ATOH7: variants seen among roughly 807,000 people sequenced by gnomAD.
ATOH7 encodes the protein transcription factor ATOH7.
In ATOH7, 11 loss-of-function variants were observed where a neutral mutation model predicts 11.0. The ratio of observed to expected loss-of-function variants is 1.00; its 90% CI spans 0.63 to 1.66. The LOEUF is 1.66. Among genes scored for constraint, ATOH7 ranks in the 40% most tolerant of loss-of-function variants. The pLI is 0.00. For missense variants in ATOH7, 232 were observed against 219.2 expected, an observed-to-expected ratio of 1.06 and a Z score of -0.37; for synonymous variants, 98 against 98.3, an observed-to-expected ratio of 1.00 and a Z score of 0.02.
In ATOH7 at chr10:68,230,925, C is replaced by T. The variant is rs1273674862; in HGVS notation, c.*294G>A. 5.6e-6 allele frequency: 2 copies of T among 357,998 alleles called. No individual in the cohort carries two copies. The highest frequency in any genetic ancestry group is 1.0e-5 in the Non-Finnish European group (2 of 199,416). The allele number at this position is 357,998 out of a possible 1,614,324, so 22.2% of individuals were successfully genotyped here. A position where few individuals can be genotyped will look rare whatever the true frequency, so the allele number is the denominator to read the frequency against. On this transcript the variant is annotated 3_prime_UTR_variant, in exon 1 of 1. Transcript: ENST00000373673. Reference sequence around the variant, plus strand: ...TCCTATTTTTCTTAAGATTGTTTTCCCTCAAAGTAGCCCAGAAAAGGGGAA... The same window carrying T: ...TCCTATTTTTCTTAAGATTGTTTTCTCTCAAAGTAGCCCAGAAAAGGGGAA...
At position 68,231,050 on chromosome 10, in the gene ATOH7, T is replaced by A. The variant is rs531157640; in HGVS notation, c.*169A>T. ...GGGGAAAAGAAAGGCAATTAAATGA[T>A]TGCGTCCATAGGTCTGATGATGCGA... On this transcript the variant is annotated 3_prime_UTR_variant, in exon 1 of 1. Transcript: ENST00000373673. The A allele has an allele frequency of 5.3e-6, 3 of 561,316 alleles. No homozygotes were observed. The South Asian group carries it at 1.2e-4, about 23-fold the overall frequency. 34.8% of individuals were successfully genotyped at this position (561,316 alleles called of 1,614,324 possible).
At position 68,231,219 on chromosome 10, in the gene ATOH7, C is replaced by G. The variant is rs912285318; in HGVS notation, c.459G>C (p.Ter153TyrextTer32). The G allele has an allele frequency of 3.9e-6, 6 of 1,529,976 alleles. No homozygotes were observed. Among genetic ancestry groups the G allele is most frequent in the Non-Finnish European group, 5.3e-6 (6 of 1,138,600 alleles). 94.8% of individuals were successfully genotyped at this position (1,529,976 alleles called of 1,614,324 possible). A position where few individuals can be genotyped will look rare whatever the true frequency, so the allele number is the denominator to read the frequency against. ...FQPEPFQMAT[*>Y] ...ACCCACCCCCGCGGAGGCGCGCGCC[C>G]TAGGTGGCCATCTGGAAGGGCTCGG... The change falls in exon 1 of 1, where the codon TAG (stop) becomes TAC (tyrosine). Residue 153 changes from the stop codon to tyrosine, a stop_lost. Coordinates refer to ENST00000373673, the MANE Select transcript of ATOH7 (RefSeq NM_145178.4).
At position 68,231,334 on chromosome 10, in the gene ATOH7, T is replaced by G. The variant is rs768962996; in HGVS notation, c.344A>C (p.His115Pro). The G allele has an allele frequency of 6.2e-7, 1 of 1,613,238 alleles. No homozygotes were observed. The highest frequency in any genetic ancestry group is 2.2e-5 in the East Asian group (1 of 44,848). ...ERDWVGLHCE[H>P]FGRDHYLPFP... ...CGGGAGGTAGTGGTCGCGGCCGAAGTGCTCACAGTGGAGACCCACCCAGTC... is the reference window on the plus strand; with the variant it reads ...CGGGAGGTAGTGGTCGCGGCCGAAGGGCTCACAGTGGAGACCCACCCAGTC... Residue 115 changes from histidine to proline, a missense_variant, in exon 1 of 1, where the codon CAC (histidine) becomes CCC (proline). Transcript: ENST00000373673.
Position 68,231,275 on chromosome 10 carries a change from G to C in ATOH7, c.403C>G (p.Leu135Val). The stretch of plus-strand genomic sequence containing the variant: ...AAGCCGAAGAGTCTCTGGCTGTACA[G>C]CTCGCTCTCGCCCGGCAGCTTCGCG... The part of the protein sequence containing the change: ...PGAKLPGESE[L>V]YSQRLFGFQP... The change falls in exon 1 of 1, where the codon CTG (leucine) becomes GTG (valine). Residue 135 changes from leucine (L) to valine (V), a missense_variant. Leu to Val is a conservative substitution (Grantham distance 32). Transcript: ENST00000373673. 1 of 1,607,324 alleles carries C rather than the reference G, an allele frequency of 6.2e-7. No individual in the cohort carries two copies. The highest frequency in any genetic ancestry group is 8.5e-7 in the Non-Finnish European group (1 of 1,178,016).
rs991961653 is a variant in ATOH7, at chr10:68,231,031, A to G, written c.*188T>C. The G allele has an allele frequency of 3.9e-6, 2 of 512,790 alleles. No homozygotes were observed. Among genetic ancestry groups the G allele is most frequent in the Non-Finnish European group, 6.4e-6 (2 of 311,942 alleles). The allele number at this position is 512,790 out of a possible 1,614,324, so 31.8% of individuals were successfully genotyped here. A position where few individuals can be genotyped will look rare whatever the true frequency, so the allele number is the denominator to read the frequency against. ...TACAAAATACAAAGGAGGAGGGGAA[A>G]AGAAAGGCAATTAAATGATTGCGTC... On this transcript the variant is annotated 3_prime_UTR_variant, in exon 1 of 1. Coordinates refer to ENST00000373673, the MANE Select transcript of ATOH7 (RefSeq NM_145178.4).
In ATOH7 at chr10:68,231,384, C is replaced by G; in HGVS notation, c.294G>C (p.Glu98Asp). 4 of 1,613,942 alleles carry G rather than the reference C, an allele frequency of 2.5e-6. No individual in the cohort carries two copies. The highest frequency in any genetic ancestry group is 3.4e-6 in the Non-Finnish European group (4 of 1,179,942). ...CCCGCTCCGAGCCGAATCGCTCGGCCTCGGCCAGGATCCGGGTCAGAGCCA... is the reference window on the plus strand; with the variant it reads ...CCCGCTCCGAGCCGAATCGCTCGGCGTCGGCCAGGATCCGGGTCAGAGCCA... Reference protein sequence around the residue: ...YIMALTRILAEAERFGSERDW... With the variant: ...YIMALTRILADAERFGSERDW... The change falls in exon 1 of 1, where the codon GAG becomes GAC. Residue 98 changes from glutamate (E) to aspartate (D), a missense_variant. Glu to Asp is a conservative substitution (Grantham distance 45, BLOSUM62 2). Transcript: ENST00000373673.
In ATOH7 at chr10:68,231,488, G is replaced by T; in HGVS notation, c.190C>A (p.Arg64Ser). 6.3e-7 allele frequency: 1 copy of T among 1,595,706 alleles called. No homozygotes were observed. The highest frequency in any genetic ancestry group is 8.5e-7 in the Non-Finnish European group (1 of 1,171,496). The change falls in exon 1 of 1, where the codon CGC becomes AGC. Residue 64 changes from arginine to serine, a missense_variant. Arg to Ser is a moderately radical substitution (Grantham distance 110, BLOSUM62 -1). Coordinates refer to ENST00000373673, the MANE Select transcript of ATOH7 (RefSeq NM_145178.4). ...TGGCCCCACTGGGGAACCACCCTGC[G>T]TAAGCGGTCGAAGGCAGTGTTGAGC... ...QGLNTAFDRL[R>S]RVVPQWGQDK...
Position 68,231,804 on chromosome 10 carries a change from T to A in ATOH7, c.-127A>T. On this transcript the variant is annotated 5_prime_UTR_variant, in exon 1 of 1. Transcript: ENST00000373673. ...GCAAATAAGTCATAAACAAAGCAAC[T>A]CACGTGCAATCAAATAGTTTACAGT... 5.6e-6 allele frequency: 3 copies of A among 537,788 alleles called. No individual in the cohort carries two copies. The highest frequency in any genetic ancestry group is 7.6e-6 in the Non-Finnish European group (3 of 392,572). 33.3% of individuals were successfully genotyped at this position (537,788 alleles called of 1,614,324 possible).
chr10:68,231,570 C>G lies in ATOH7; in HGVS notation c.108G>C (p.Glu36Asp). ...AGTCAGAGRLESAARRRLAAN... is the reference protein window; with the variant it reads ...AGTCAGAGRLDSAARRRLAAN... ...CCGCCAGGCGCCTGCGCGCCGCGCT[C>G]TCCAGCCGCCCGGCCCCGGCGCACG... Residue 36 changes from glutamate (E) to aspartate (D), a missense_variant, in exon 1 of 1, where the codon GAG (glutamate) becomes GAC (aspartate). Glu to Asp is a conservative substitution (Grantham distance 45). Coordinates refer to ENST00000373673, the MANE Select transcript of ATOH7 (RefSeq NM_145178.4). 2 of 1,224,348 alleles carry G rather than the reference C, an allele frequency of 1.6e-6. No individual in the cohort carries two copies. The highest frequency in any genetic ancestry group is 8.1e-5 in the South Asian group (2 of 24,586). 75.8% of individuals were successfully genotyped at this position (1,224,348 alleles called of 1,614,324 possible). A position where few individuals can be genotyped will look rare whatever the true frequency, so the allele number is the denominator to read the frequency against.
chr10:68,231,846 C>T lies in ATOH7; in HGVS notation c.-169G>A. 3.0e-6 allele frequency: 1 copy of T among 330,268 alleles called. No individual in the cohort carries two copies. Among genetic ancestry groups the T allele is most frequent in the Non-Finnish European group, 5.0e-6 (1 of 199,264 alleles). The allele number at this position is 330,268 out of a possible 1,614,324, so 20.5% of individuals were successfully genotyped here. A position where few individuals can be genotyped will look rare whatever the true frequency, so the allele number is the denominator to read the frequency against. On this transcript the variant is annotated 5_prime_UTR_variant, in exon 1 of 1. Transcript: ENST00000373673. ...GTTTACAGTGGGGGAGTGCGGGACT[C>T]GGCCTTCTGTTCTACTGGATGACCA...
At position 68,231,714 on chromosome 10, in the gene ATOH7, C is replaced by T. The variant is rs1274460043; in HGVS notation, c.-37G>A. ...AGCAGCGAGGCGCCGACCTCGCACGCCCGCCCGCTCAGGACCTGCGCGTGG... is the reference window on the plus strand; with the variant it reads ...AGCAGCGAGGCGCCGACCTCGCACGTCCGCCCGCTCAGGACCTGCGCGTGG... On this transcript the variant is annotated 5_prime_UTR_variant, in exon 1 of 1. Transcript: ENST00000373673. 3.4e-6 allele frequency: 4 copies of T among 1,163,878 alleles called. No individual in the cohort carries two copies. Among genetic ancestry groups the T allele is most frequent in the Non-Finnish European group, 4.3e-6 (4 of 933,764 alleles). The allele number at this position is 1,163,878 out of a possible 1,614,324, so 72.1% of individuals were successfully genotyped here. A position where few individuals can be genotyped will look rare whatever the true frequency, so the allele number is the denominator to read the frequency against.
Position 68,231,494 on chromosome 10 carries a change from G to C in ATOH7, c.184C>G (p.Arg62Gly), listed in dbSNP as rs373272132. The change falls in exon 1 of 1, where the codon CGC becomes GGC. Residue 62 changes from arginine (R) to glycine (G), a missense_variant. Physicochemically the swap from Arg to Gly is moderately radical, Grantham distance 125. Coordinates refer to ENST00000373673, the MANE Select transcript of ATOH7 (RefSeq NM_145178.4). ...RMQGLNTAFD[R>G]LRRVVPQWGQ... The stretch of plus-strand genomic sequence containing the variant: ...CACTGGGGAACCACCCTGCGTAAGC[G>C]GTCGAAGGCAGTGTTGAGCCCCTGC... 24 of 1,575,454 alleles carry C rather than the reference G, an allele frequency of 1.5e-5. No individual in the cohort carries two copies. The highest frequency in any genetic ancestry group is 2.1e-5 in the Non-Finnish European group (24 of 1,160,610).
chr10:68,231,560 G>T lies in ATOH7; in HGVS notation c.118C>A (p.Arg40Ser), dbSNP rs753223574. 1 of 1,272,916 alleles carries T rather than the reference G, an allele frequency of 7.9e-7. No individual in the cohort carries two copies. Among genetic ancestry groups the T allele is most frequent in the Admixed American group, 3.7e-5 (1 of 26,852 alleles). The allele number at this position is 1,272,916 out of a possible 1,614,324, so 78.9% of individuals were successfully genotyped here. Residue 40 changes from arginine (R) to serine (S), a missense_variant, in exon 1 of 1, where the codon CGC becomes AGC. By Grantham distance (110) the Arg-to-Ser change is moderately radical (BLOSUM62 -1). Coordinates refer to ENST00000373673, the MANE Select transcript of ATOH7 (RefSeq NM_145178.4). ...CGCGCGTTGGCCGCCAGGCGCCTGC[G>T]CGCCGCGCTCTCCAGCCGCCCGGCC... ...AGAGRLESAA[R>S]RRLAANARER...
In ATOH7 at chr10:68,231,329, C is replaced by G. The variant is rs771498531; in HGVS notation, c.349G>C (p.Gly117Arg). The G allele has an allele frequency of 6.2e-7, 1 of 1,612,970 alleles. No individual in the cohort carries two copies. The highest frequency in any genetic ancestry group is 8.5e-7 in the Non-Finnish European group (1 of 1,179,720). ...DWVGLHCEHF[G>R]RDHYLPFPGA... ...GGGAACGGGAGGTAGTGGTCGCGGC[C>G]GAAGTGCTCACAGTGGAGACCCACC... The change falls in exon 1 of 1, where the codon GGC becomes CGC. Residue 117 changes from glycine (G) to arginine (R), a missense_variant. Physicochemically the swap from Gly to Arg is moderately radical, Grantham distance 125 (BLOSUM62 -2). Transcript: ENST00000373673.
chr10:68,231,303 C>A lies in ATOH7; in HGVS notation c.375G>T (p.Pro125=), dbSNP rs767426217. Residue 125 remains proline, a synonymous_variant, in exon 1 of 1, where the codon CCG becomes CCT. Transcript: ENST00000373673. ...HFGRDHYLPF[P]GAKLPGESEL... is the part of the protein sequence containing the mutation. ...CGCTCTCGCCCGGCAGCTTCGCGCC[C>A]GGGAACGGGAGGTAGTGGTCGCGGC... 1 of 1,611,726 alleles carries A rather than the reference C, an allele frequency of 6.2e-7. No homozygotes were observed. Among genetic ancestry groups the A allele is most frequent in the Non-Finnish European group, 8.5e-7 (1 of 1,179,280 alleles).
chr10:68,231,486 G>A lies in ATOH7; in HGVS notation c.192C>T (p.Arg64=). The part of the protein sequence containing the change: ...QGLNTAFDRL[R]RVVPQWGQDK... The stretch of plus-strand genomic sequence containing the variant: ...CCTGGCCCCACTGGGGAACCACCCT[G>A]CGTAAGCGGTCGAAGGCAGTGTTGA... Residue 64 remains arginine, a synonymous_variant, in exon 1 of 1, where the codon CGC becomes CGT. Transcript: ENST00000373673. The A allele has an allele frequency of 1.9e-6, 3 of 1,596,312 alleles. No individual in the cohort carries two copies. Among genetic ancestry groups the A allele is most frequent in the Middle Eastern group, 3.3e-4 (2 of 6,004 alleles).
rs111699024 is a variant in ATOH7 at position 68,231,485 on chromosome 10, T to G, written c.193A>C (p.Arg65=). 6.9e-6 allele frequency: 11 copies of G among 1,595,922 alleles called. No individual in the cohort carries two copies. The highest frequency in any genetic ancestry group is 5.5e-5 in the African/African-American group (4 of 73,140). ...TCCTGGCCCCACTGGGGAACCACCC[T>G]GCGTAAGCGGTCGAAGGCAGTGTTG... is the stretch of plus-strand genomic sequence containing the variant. The part of the protein sequence containing the change: ...GLNTAFDRLR[R]VVPQWGQDKK... The change falls in exon 1 of 1, where the codon AGG becomes CGG. Residue 65 remains arginine (R), a synonymous_variant. Coordinates refer to ENST00000373673, the MANE Select transcript of ATOH7 (RefSeq NM_145178.4).
At position 68,231,231 on chromosome 10, in the gene ATOH7, C is replaced by A; in HGVS notation, c.447G>T (p.Gln149His). The A allele has an allele frequency of 6.5e-7, 1 of 1,544,608 alleles. No individual in the cohort carries two copies. Among genetic ancestry groups the A allele is most frequent in the Non-Finnish European group, 8.7e-7 (1 of 1,144,812 alleles). Residue 149 changes from glutamine (Q) to histidine (H), a missense_variant, in exon 1 of 1, where the codon CAG becomes CAT. Coordinates refer to ENST00000373673, the MANE Select transcript of ATOH7 (RefSeq NM_145178.4). ...GGAGGCGCGCGCCCTAGGTGGCCATCTGGAAGGGCTCGGGCTGGAAGCCGA... is the reference window on the plus strand; with the variant it reads ...GGAGGCGCGCGCCCTAGGTGGCCATATGGAAGGGCTCGGGCTGGAAGCCGA... ...RLFGFQPEPF[Q>H]MAT
At position 68,231,585 on chromosome 10, in the gene ATOH7, C is replaced by A. The variant is rs929460121; in HGVS notation, c.93G>T (p.Gly31=). 9 of 1,195,288 alleles carry A rather than the reference C, an allele frequency of 7.5e-6. No individual in the cohort carries two copies. In the African/African-American group the frequency reaches 1.3e-4, roughly 17 times the overall value. The allele number at this position is 1,195,288 out of a possible 1,614,324, so 74.0% of individuals were successfully genotyped here. A position where few individuals can be genotyped will look rare whatever the true frequency, so the allele number is the denominator to read the frequency against. ...GGTECAGTCA[G]AGRLESAARR... ...GCGCCGCGCTCTCCAGCCGCCCGGC[C>A]CCGGCGCACGTGCCCGCGCACTCGG... The change falls in exon 1 of 1, where the codon GGG becomes GGT. Residue 31 remains glycine, a synonymous_variant. Transcript: ENST00000373673.
Sources: allele counts gnomAD v4.1 joint callset, GRCh38; gene constraint gnomAD v4.1.1; transcripts MANE v1.5; gene names NCBI Gene and HGNC (gene_info 2026-07-23, HGNC 2026-07-21).